CCDC6: variants seen among roughly 807,000 people sequenced by gnomAD.
CCDC6 encodes coiled-coil domain containing 6, also known as coiled-coil domain-containing protein 6.
Under a neutral mutation model 56.6 loss-of-function variants are expected in CCDC6, and 20 were observed. The ratio of observed to expected loss-of-function variants is 0.35; its 90% CI spans 0.25 to 0.51. CCDC6 has a LOEUF of 0.51. Ranked by LOEUF, CCDC6 falls within the 20% of genes least tolerant of loss-of-function variation. The pLI is 0.95. For missense variants in CCDC6, 367 were observed against 601.1 expected (o/e 0.61, Z 4.07); for synonymous variants, 241 against 234.4 (o/e 1.03, Z -0.26).
intron 1 of CCDC6, among the ~76,000 whole-genome samples, chr10:59,857,535 G>A (rs564829268): frequency 1.3e-5 from 2 of 152,248 alleles, no homozygotes; most frequent in East Asian, 3.9e-4. Flanking sequence ...CACGTAGGGT[G>A]GTGCAATTCA....
chr10:59,852,792 G>T (rs1157918513), intron 1 of CCDC6, 90 bp from the exon 2 acceptor site: 1 of 1,074,926 alleles, frequency 9.3e-7, no homozygotes, highest in African/African-American at 1.7e-5. Flanking sequence ...CTTATTTCCA[G>T]AAAGGGTACC....
intron 1 of CCDC6, among the ~76,000 whole-genome samples, chr10:59,897,622 T>C (rs558671124): frequency 7.2e-5 from 11 of 152,206 alleles, no homozygotes; most frequent in Non-Finnish European, 1.5e-4. Flanking sequence ...AAGTTATCTA[T>C]ATGAAACTCC....
chr10:59,794,066 GA>G (rs1423000696), intron 8 of CCDC6, among the ~76,000 whole-genome samples: 5 of 152,134 alleles, frequency 3.3e-5, no homozygotes, highest in African/African-American at 1.2e-4. Context: ...TTCGAGGAGA[GA>G]AAATTCTGAG....
chr10:59,795,938 C>T (rs2070514318), intron 7 of CCDC6, among the ~76,000 whole-genome samples: 2 of 152,070 alleles, frequency 1.3e-5, no homozygotes, highest in Admixed American at 6.5e-5. Flanking sequence ...AATAAACATA[C>T]CTGTGCATGT....
intron 3 of CCDC6, among the ~76,000 whole-genome samples, chr10:59,821,722 G>T (rs1212405589): frequency 6.6e-6 from 1 of 152,034 alleles, no homozygotes; most frequent in Non-Finnish European, 1.5e-5. Flanking sequence ...TAGACTAGAA[G>T]ATCAAAGTTA....
intron 1 of CCDC6, among the ~76,000 whole-genome samples, chr10:59,895,627 G>A (rs545449229): frequency 1.5e-4 from 23 of 152,298 alleles, no homozygotes; most frequent in African/African-American, 5.1e-4. Context: ...ATTTGGAAGT[G>A]GGACAATGGT....
intron 1 of CCDC6, among the ~76,000 whole-genome samples, chr10:59,899,494 C>A (rs1432030540): frequency 6.6e-6 from 1 of 152,218 alleles, no homozygotes; most frequent in Non-Finnish European, 1.5e-5. Flanking sequence ...ACACTTGTGT[C>A]TCTGCAAGAC....
chr10:59,855,873 T>A (rs2132658695), intron 1 of CCDC6, among the ~76,000 whole-genome samples: 1 of 152,310 alleles, frequency 6.6e-6, no homozygotes, highest in South Asian at 2.1e-4. Flanking sequence ...AATGTAAAAA[T>A]GAAGAGAGCT....
At chr10:59,889,510 C>T (rs75426463) in intron 1 of CCDC6, among the ~76,000 whole-genome samples, 2,542 of 152,302 alleles carry the variant, frequency 0.017, 30 homozygotes, top group Middle Eastern at 0.044. Context: ...TACTCAACAG[C>T]TGCCCAGGCC....
At chr10:59,797,654 G>A (rs2070533979) in intron 7 of CCDC6, among the ~76,000 whole-genome samples, 1 of 125,460 alleles carries the variant, frequency 8.0e-6, no homozygotes, top group African/African-American at 3.9e-5. Flanking sequence ...GTGGGCATGA[G>A]TGAGTGAGAG....
chr10:59,890,478 G>C (rs2071413829), intron 1 of CCDC6, among the ~76,000 whole-genome samples: 1 of 152,102 alleles, frequency 6.6e-6, no homozygotes, highest in African/African-American at 2.4e-5. Flanking sequence ...AAACAGAAAA[G>C]GGAAGAAATG....
intron 2 of CCDC6, among the ~76,000 whole-genome samples, chr10:59,834,707 C>A (rs766226343): frequency 6.6e-6 from 1 of 152,038 alleles, no homozygotes; most frequent in Non-Finnish European, 1.5e-5. Flanking sequence ...TTGCAGGGAC[C>A]CAAGAGAAAA....
chr10:59,799,437 TCTC>T lies in CCDC6; in HGVS notation c.1106-4843_1106-4841del, dbSNP rs576479254. Among the ~76,000 whole-genome samples, 6 of 152,096 alleles carry T rather than the reference TCTC, an allele frequency of 3.9e-5. No homozygotes were observed. The South Asian group carries it at 1.2e-3, about 32-fold the overall frequency. On this transcript the variant is annotated intron_variant, in intron 7 of 8. Transcript: ENST00000263102. ...CAAGACTCTATCTCGAAAAAAGAAA[TCTC>T]CTTCTCTAGCTGTTACCAAGACTTC...
rs569787442 is a variant in CCDC6, at chr10:59,815,203, T to C, written c.583-448A>G. 3.3e-5 allele frequency among the ~76,000 whole-genome samples: 5 copies of C among 152,258 alleles called. 1 individual carries two copies. The South Asian group carries it at 1.0e-3, about 32-fold the overall frequency. ...AAAAGCTCCCAAACACTCTACATACTGGCTAATGGAGATAAATAAACATGT... is the reference window on the plus strand; with the variant it reads ...AAAAGCTCCCAAACACTCTACATACCGGCTAATGGAGATAAATAAACATGT... On this transcript the variant is annotated intron_variant, in intron 3 of 8. Coordinates refer to ENST00000263102, the MANE Select transcript of CCDC6 (RefSeq NM_005436.5).
At chr10:59,794,852 A>T (rs939961026) in intron 7 of CCDC6, among the ~76,000 whole-genome samples, 1 of 152,196 alleles carries the variant, frequency 6.6e-6, no homozygotes, top group African/African-American at 2.4e-5. Flanking sequence ...AAGAATACAC[A>T]ACGGGGAAAG....
intron 3 of CCDC6, among the ~76,000 whole-genome samples, chr10:59,829,161 T>C (rs1028313143): frequency 2.0e-5 from 3 of 152,158 alleles, no homozygotes; most frequent in African/African-American, 7.2e-5. Context: ...AACTGGGGCC[T>C]TCCTAGGAAG....
At chr10:59,834,094 C>T (rs146571633) in intron 2 of CCDC6, among the ~76,000 whole-genome samples, 69 of 152,200 alleles carry the variant, frequency 4.5e-4, no homozygotes, top group Non-Finnish European at 8.5e-4. Context: ...GGGGATGCAA[C>T]GTTTCTTTGT....
chr10:59,796,716 C>A (rs1257203021), intron 7 of CCDC6, among the ~76,000 whole-genome samples: 1 of 152,080 alleles, frequency 6.6e-6, no homozygotes, highest in Non-Finnish European at 1.5e-5. Flanking sequence ...GCCTGTAATC[C>A]CAGCACTTTG....
intron 2 of CCDC6, among the ~76,000 whole-genome samples, chr10:59,833,656 T>TGGGGG (rs1359417979): frequency 1.1e-5 from 1 of 94,258 alleles, no homozygotes; most frequent in Non-Finnish European, 2.2e-5. Context: ...GGGGGGGGGT[T>TGGGGG]TGTTGATCCA....
Sources: allele counts gnomAD v4.1 joint callset (sites outside exome capture counted in the v4.1 genomes callset), GRCh38; gene constraint gnomAD v4.1.1; transcripts MANE v1.5; gene names NCBI Gene and HGNC (gene_info 2026-07-23, HGNC 2026-07-21).